NKAIN2: variants seen among roughly 807,000 people sequenced by gnomAD.
The protein encoded by NKAIN2 is sodium/potassium-transporting ATPase subunit beta-1-interacting protein 2.
In NKAIN2, 14 loss-of-function variants were observed where a neutral mutation model predicts 32.6. The observed-to-expected ratio is 0.43, with a 90% CI of 0.28 to 0.67. The LOEUF (loss-of-function observed/expected upper bound fraction) is 0.67. Ranked by LOEUF, NKAIN2 falls within the 30% of genes least tolerant of loss-of-function variation. The pLI is 0.17. For synonymous variants in NKAIN2, 80 were observed against 87.2 expected, an observed-to-expected ratio of 0.92 and a Z score of 0.46; for missense variants, 198 against 258.3, an observed-to-expected ratio of 0.77 and a Z score of 1.60.
chr6:124,239,354 G>A (rs1393719296), intron 1 of NKAIN2, among the ~76,000 whole-genome samples: 3 of 152,018 alleles, frequency 2.0e-5, no homozygotes, highest in African/African-American at 7.2e-5. Flanking sequence ...GAAATTAACA[G>A]CGATATTCGG....
At position 124,254,999 on chromosome 6, in the gene NKAIN2, G is replaced by T. The variant is rs192272632; in HGVS notation, c.55-28006G>T. Among the ~76,000 whole-genome samples, 192 of 152,272 alleles carry T rather than the reference G, an allele frequency of 1.3e-3. 2 individuals carry two copies. The highest frequency in any genetic ancestry group is 4.5e-3 in the African/African-American group (185 of 41,564). On this transcript the variant is annotated intron_variant, in intron 1 of 6. Transcript: ENST00000368417. ...AGAAGTCTCCTAAAATTGAGGCCAG[G>T]TGATGAATTAGGCCCCTTGGCTCCG...
intron 1 of NKAIN2, among the ~76,000 whole-genome samples, chr6:123,963,333 A>G (rs1777935725): frequency 1.3e-5 from 2 of 152,204 alleles, no homozygotes; most frequent in African/African-American, 2.4e-5. Flanking sequence ...GAGAAAAATT[A>G]AAGTGTCTTT....
At chr6:124,142,052 A>AG (rs1787170498) in intron 1 of NKAIN2, among the ~76,000 whole-genome samples, 2 of 152,188 alleles carry the variant, frequency 1.3e-5, no homozygotes, top group Admixed American at 1.3e-4. Flanking sequence ...GTAACATCCC[A>AG]GGCAGTATCT....
intron 4 of NKAIN2, among the ~76,000 whole-genome samples, chr6:124,762,990 T>C (rs1446270322): frequency 6.6e-6 from 1 of 152,226 alleles, no homozygotes; most frequent in Non-Finnish European, 1.5e-5. Flanking sequence ...TTGCATGTAC[T>C]GTTCAGTGTT....
At chr6:124,273,442 T>C (rs187437661) in intron 1 of NKAIN2, among the ~76,000 whole-genome samples, 1 of 152,314 alleles carries the variant, frequency 6.6e-6, no homozygotes, top group African/African-American at 2.4e-5. Flanking sequence ...CTCCCAGACA[T>C]GCAGAATTGT....
In NKAIN2 at chr6:124,355,249, T is replaced by C; in HGVS notation, c.193-18T>C. 1.3e-6 allele frequency: 2 copies of C among 1,516,034 alleles called. No individual in the cohort carries two copies. The highest frequency in any genetic ancestry group is 2.3e-5 in the South Asian group (2 of 88,186). 93.9% of individuals were successfully genotyped at this position (1,516,034 alleles called of 1,614,324 possible). A position where few individuals can be genotyped will look rare whatever the true frequency, so the allele number is the denominator to read the frequency against. ...TTCCAAATTAATTATACGTTATTTCTCTCTTGCTTCTCTACAGTATGCTGT... is the reference window on the plus strand; with the variant it reads ...TTCCAAATTAATTATACGTTATTTCCCTCTTGCTTCTCTACAGTATGCTGT... On this transcript the variant is annotated intron_variant, in intron 2 of 6. Transcript: ENST00000368417.
chr6:123,969,978 T>C lies in NKAIN2; in HGVS notation c.54+165724T>C, dbSNP rs369535911. Among the ~76,000 whole-genome samples the C allele has an allele frequency of 3.0e-3, 462 of 152,274 alleles. 17 individuals are homozygous for C. The South Asian group carries it at 0.071, about 23-fold the overall frequency. On this transcript the variant is annotated intron_variant, in intron 1 of 6. Coordinates refer to ENST00000368417, the MANE Select transcript of NKAIN2 (RefSeq NM_001040214.3). The stretch of plus-strand genomic sequence containing the variant: ...AATTCAATCAAAGGATAAAATAATA[T>C]GTCTTAGGACAAATGCATAAACTAG...
intron 2 of NKAIN2, among the ~76,000 whole-genome samples, chr6:124,295,326 A>G (rs750065960): frequency 6.6e-6 from 1 of 151,556 alleles, no homozygotes; most frequent in African/African-American, 2.4e-5. Context: ...TTATCATTCT[A>G]TTTTTCTTCT....
intron 2 of NKAIN2, among the ~76,000 whole-genome samples, chr6:124,299,138 A>C (rs1201641274): frequency 6.6e-6 from 1 of 152,228 alleles, no homozygotes; most frequent in Non-Finnish European, 1.5e-5. Context: ...CAGAGAATCC[A>C]AGGCTTCTTT....
chr6:123,819,845 GAGAA>G (rs1356230970), intron 1 of NKAIN2, among the ~76,000 whole-genome samples: 1 of 152,176 alleles, frequency 6.6e-6, no homozygotes, highest in Non-Finnish European at 1.5e-5. Context: ...ACAGATTTAT[GAGAA>G]AGAGTTTGTT....
chr6:124,172,386 C>T (rs1562400672), intron 1 of NKAIN2, among the ~76,000 whole-genome samples: 1 of 152,022 alleles, frequency 6.6e-6, no homozygotes. Context: ...ATTTTGAATT[C>T]TAATTCTAAC....
intron 3 of NKAIN2, among the ~76,000 whole-genome samples, chr6:124,468,308 C>A (rs1776842039): frequency 1.3e-5 from 2 of 152,084 alleles, no homozygotes; most frequent in African/African-American, 4.8e-5. Flanking sequence ...TCAATGTCAA[C>A]CAAAGAAAAT....
chr6:124,248,913 C>A (rs188261912), intron 1 of NKAIN2, among the ~76,000 whole-genome samples: 2 of 152,174 alleles, frequency 1.3e-5, no homozygotes, highest in African/African-American at 4.8e-5. Flanking sequence ...CATTATATAA[C>A]CTCAAAGCGT....
At chr6:124,695,171 G>GAA (rs11291618) in intron 4 of NKAIN2, among the ~76,000 whole-genome samples, 5 of 121,752 alleles carry the variant, frequency 4.1e-5, no homozygotes, top group Non-Finnish European at 5.4e-5. Flanking sequence ...AGCCTACCCA[G>GAA]AAAAAAAAAA....
intron 1 of NKAIN2, among the ~76,000 whole-genome samples, chr6:124,036,620 C>T (rs1371091732): frequency 1.3e-5 from 2 of 152,102 alleles, no homozygotes; most frequent in African/African-American, 4.8e-5. Flanking sequence ...TCTCGTGTGT[C>T]TATTTTAAGT....
chr6:124,056,621 T>A (rs916506531), intron 1 of NKAIN2, among the ~76,000 whole-genome samples: 2 of 152,012 alleles, frequency 1.3e-5, no homozygotes, highest in African/African-American at 2.4e-5. Context: ...ATCAGCATAA[T>A]CTTCTAAGAC....
chr6:124,620,704 A>G (rs1783073569), intron 3 of NKAIN2, among the ~76,000 whole-genome samples: 1 of 152,192 alleles, frequency 6.6e-6, no homozygotes, highest in African/African-American at 2.4e-5. Context: ...TAAGCTTTTT[A>G]ACAGTGTGTA....
chr6:124,226,288 C>T (rs1382118847), intron 1 of NKAIN2, among the ~76,000 whole-genome samples: 1 of 151,816 alleles, frequency 6.6e-6, no homozygotes, highest in Non-Finnish European at 1.5e-5. Flanking sequence ...TGTAAAAGTA[C>T]CCTGAAATTT....
At chr6:124,559,830 A>C (rs1166937067) in intron 3 of NKAIN2, among the ~76,000 whole-genome samples, 2 of 129,490 alleles carry the variant, frequency 1.5e-5, no homozygotes, top group African/African-American at 5.7e-5. Context: ...GTAAGAAATA[A>C]ACCATTTTTT....
Sources: gnomAD v4.1 joint callset for allele counts (sites outside exome capture counted in the v4.1 genomes callset) on GRCh38, gnomAD v4.1.1 for gene constraint, MANE v1.5 for transcripts, NCBI Gene and HGNC (gene_info 2026-07-23, HGNC 2026-07-21) for gene names.